TBP: variants seen among roughly 807,000 people sequenced by gnomAD.
TBP encodes the protein TATA-box binding protein.
TBP carries 12 observed loss-of-function variants against 46.2 expected under a neutral mutation model. The observed-to-expected ratio is 0.26, with a 90% confidence interval of 0.17 to 0.42. The LOEUF (loss-of-function observed/expected upper bound fraction) is 0.42, where lower values mean the gene tolerates loss of function less well. Ranked by LOEUF, TBP falls within the 10% of genes least tolerant of loss-of-function variation. The pLI, the probability that TBP is intolerant of heterozygous loss-of-function variation, is 1.00. For missense variants in TBP, 229 were observed against 403.1 expected (o/e 0.57, Z 3.70); for synonymous variants, 157 against 148.3 (o/e 1.06, Z -0.42).
chr6:170,564,840 G>T (rs1562360843), intron 4 of TBP, among the ~76,000 whole-genome samples: 1 of 150,654 alleles, frequency 6.6e-6, no homozygotes, highest in Non-Finnish European at 1.5e-5. Flanking sequence ...AGGCAACATG[G>T]CAAGACCCTG....
chr6:170,572,352 T>C lies in TBP; in HGVS notation c.*87T>C. ...TTGTTTTGGTACCTTTAAATGGTGG[T>C]GTTGTGAGAAGATGGATGTTGAGTT... On this transcript the variant is annotated 3_prime_UTR_variant, in exon 8 of 8. Coordinates refer to ENST00000392092, the MANE Select transcript of TBP (RefSeq NM_003194.5). The C allele has an allele frequency of 9.0e-7, 1 of 1,107,908 alleles. No individual in the cohort carries two copies. The highest frequency in any genetic ancestry group is 1.3e-6 in the Non-Finnish European group (1 of 750,980). The allele number at this position is 1,107,908 out of a possible 1,614,324, so 68.6% of individuals were successfully genotyped here.
At chr6:170,555,497 C>A (rs1779004930) in intron 1 of TBP, among the ~76,000 whole-genome samples, 1 of 152,192 alleles carries the variant, frequency 6.6e-6, no homozygotes, top group Non-Finnish European at 1.5e-5. Context: ...TCATACTAAG[C>A]TTGTTGCCTG....
At chr6:170,567,336 T>A (rs1779282438) in intron 5 of TBP, 2 of 153,342 alleles carry the variant, frequency 1.3e-5, no homozygotes, top group African/African-American at 4.8e-5. Context: ...AATACAAAAA[T>A]TAGCCAGGCG....
At chr6:170,565,014 G>A (rs978526030) in intron 4 of TBP, among the ~76,000 whole-genome samples, 4 of 152,138 alleles carry the variant, frequency 2.6e-5, no homozygotes, top group East Asian at 1.9e-4. Flanking sequence ...AAAATTTGCC[G>A]GGAGTGGTGG....
intron 2 of TBP, among the ~76,000 whole-genome samples, chr6:170,557,622 C>G (rs1779052810): frequency 6.6e-6 from 1 of 150,532 alleles, no homozygotes. Flanking sequence ...GTAATCCCAG[C>G]TACTCGGGAG....
chr6:170,556,390 C>T (rs1391330094), intron 1 of TBP, among the ~76,000 whole-genome samples: 1 of 150,954 alleles, frequency 6.6e-6, no homozygotes, highest in African/African-American at 2.4e-5. Context: ...AGTTTCATTA[C>T]AGTAGGAGCT....
intron 2 of TBP, among the ~76,000 whole-genome samples, chr6:170,558,975 G>A (rs1451468802): frequency 1.3e-5 from 2 of 152,186 alleles, no homozygotes; most frequent in East Asian, 3.9e-4. Flanking sequence ...ATGAGCCACT[G>A]TGCCTAGTCA....
intron 6 of TBP, 129 bp downstream of exon 6, chr6:170,569,908 T>G: frequency 1.2e-6 from 1 of 837,906 alleles, no homozygotes; most frequent in Non-Finnish European, 1.8e-6. Flanking sequence ...TTGTATGTAT[T>G]CTTGCATTGT....
chr6:170,559,343 ATAGT>A (rs1266621188), intron 2 of TBP, among the ~76,000 whole-genome samples: 2 of 152,236 alleles, frequency 1.3e-5, no homozygotes, highest in Non-Finnish European at 2.9e-5. Context: ...CTTGCACCAA[ATAGT>A]TAGCCAAGTT....
chr6:170,562,427 C>T (rs1188401366), intron 3 of TBP, among the ~76,000 whole-genome samples, 194 bp downstream of exon 3: 1 of 152,156 alleles, frequency 6.6e-6, no homozygotes, highest in Admixed American at 6.5e-5. Context: ...GTAAAAGGCT[C>T]TTAACAGGTT....
intron 2 of TBP, among the ~76,000 whole-genome samples, chr6:170,557,643 G>A (rs1057327288): frequency 3.4e-5 from 5 of 146,184 alleles, no homozygotes; most frequent in Admixed American, 2.8e-4. Context: ...GCTGAGGCAA[G>A]GAGAATTGCT....
At position 170,568,439 on chromosome 6, in the gene TBP, T is replaced by C. The variant is rs577033379; in HGVS notation, c.678-1173T>C. Among the ~76,000 whole-genome samples, 25 of 139,874 alleles carry C rather than the reference T, an allele frequency of 1.8e-4. No homozygotes were observed. In the South Asian group the frequency reaches 5.7e-3, roughly 32 times the overall value. 91.8% of individuals were successfully genotyped at this position (139,874 alleles called of 152,430 possible). Reference sequence around the variant, plus strand: ...ACCTGATAGTCTCTTTATGGTAATATTTTCACATTCTTTTTTGTTGTTGTT... The same window carrying C: ...ACCTGATAGTCTCTTTATGGTAATACTTTCACATTCTTTTTTGTTGTTGTT... On this transcript the variant is annotated intron_variant, in intron 5 of 7. Coordinates refer to ENST00000392092, the MANE Select transcript of TBP (RefSeq NM_003194.5).
intron 2 of TBP, among the ~76,000 whole-genome samples, chr6:170,557,472 C>T (rs1014816472): frequency 9.9e-5 from 15 of 152,114 alleles, no homozygotes; most frequent in Admixed American, 4.6e-4. Context: ...CAGTGGCTCA[C>T]GCCTGTAATC....
chr6:170,563,030 C>G lies in TBP; in HGVS notation c.497+797C>G, dbSNP rs997106186. Among the ~76,000 whole-genome samples the G allele has an allele frequency of 8.5e-5, 13 of 152,126 alleles. 2 individuals are homozygous for G. Among genetic ancestry groups the G allele is most frequent in the Admixed American group, 8.5e-4 (13 of 15,266 alleles). On this transcript the variant is annotated intron_variant, in intron 3 of 7. Coordinates refer to ENST00000392092, the MANE Select transcript of TBP (RefSeq NM_003194.5). Reference sequence around the variant, plus strand: ...AAGCTATCTCTCATCATTTTTGGAACTAAGTGGTGTGTAATCGTGGATGCT... The same window carrying G: ...AAGCTATCTCTCATCATTTTTGGAAGTAAGTGGTGTGTAATCGTGGATGCT...
intron 4 of TBP, 126 bp downstream of exon 4, chr6:170,564,758 T>C (rs762875506): frequency 2.1e-6 from 1 of 474,200 alleles, no homozygotes; most frequent in Non-Finnish European, 3.5e-6. Flanking sequence ...CAGTGGCTAA[T>C]GCCTGTAATC....
At position 170,572,302 on chromosome 6, in the gene TBP, T is replaced by G. The variant is rs1433464235; in HGVS notation, c.*37T>G. On this transcript the variant is annotated 3_prime_UTR_variant, in exon 8 of 8. Transcript: ENST00000392092. ...TACCCTTGCCTCCCCCACCCCCTTC[T>G]TTTTTTTTTTTTAAACAAATCAGTT... is the stretch of plus-strand genomic sequence containing the variant. The G allele has an allele frequency of 2.8e-6, 1 of 354,146 alleles. No individual in the cohort carries two copies. The highest frequency in any genetic ancestry group is 9.0e-5 in the East Asian group (1 of 11,054). 21.9% of individuals were successfully genotyped at this position (354,146 alleles called of 1,614,324 possible).
chr6:170,562,054 G>T lies in TBP; in HGVS notation c.318G>T (p.Thr106=). 1.9e-6 allele frequency: 3 copies of T among 1,613,970 alleles called. No homozygotes were observed. Among genetic ancestry groups the T allele is most frequent in the Non-Finnish European group, 1.7e-6 (2 of 1,180,006 alleles). The change falls in exon 3 of 8, where the codon ACG becomes ACT. Residue 106 remains threonine, a synonymous_variant. Transcript: ENST00000392092. The part of the protein sequence containing the change: ...AVAAAAVQQS[T]SQQATQGTSG... ...CAGCTGCAGCCGTTCAGCAGTCAAC[G>T]TCCCAGCAGGCAACACAGGGAACCT...
At chr6:170,562,263 C>T in intron 3 of TBP, 30 bp downstream of exon 3, 1 of 1,593,066 alleles carries the variant, frequency 6.3e-7, no homozygotes, top group Non-Finnish European at 8.6e-7. Flanking sequence ...TGTTTCCTCC[C>T]ACTTAGGAGT....
intron 5 of TBP, 76 bp downstream of exon 5, chr6:170,567,085 T>G (rs1779267772): frequency 8.3e-7 from 1 of 1,203,514 alleles, no homozygotes. Flanking sequence ...TTTAGGTTAT[T>G]AGGTTAGCAC....
Sources: allele counts gnomAD v4.1 joint callset (sites outside exome capture counted in the v4.1 genomes callset), GRCh38; gene constraint gnomAD v4.1.1; transcripts MANE v1.5; gene names NCBI Gene and HGNC (gene_info 2026-07-23, HGNC 2026-07-21).